SLC44A5: variants seen among roughly 807,000 people sequenced by gnomAD.
The protein encoded by SLC44A5 is choline transporter-like protein 5.
SLC44A5 carries 57 observed loss-of-function variants against 101.8 expected under a neutral mutation model. The observed-to-expected ratio is 0.56, with a 90% CI of 0.45 to 0.70. SLC44A5 has a LOEUF of 0.70. SLC44A5 is among the 30% of genes least tolerant of loss of function. The pLI, the probability that SLC44A5 is intolerant of heterozygous loss-of-function variation, is 0.00. For missense variants in SLC44A5, 737 were observed against 853.1 expected, an observed-to-expected ratio of 0.86 and a Z score of 1.70; for synonymous variants, 281 against 290.9, an observed-to-expected ratio of 0.97 and a Z score of 0.35.
At chr1:75,402,354 A>T in intron 2 of SLC44A5, 1 of 276,950 alleles carries the variant, frequency 3.6e-6, no homozygotes, top group South Asian at 2.9e-5. Context: ...GTTTTTTAAG[A>T]AACAGATGAC....
At chr1:75,349,255 C>T (rs1658468790) in intron 3 of SLC44A5, among the ~76,000 whole-genome samples, 1 of 152,146 alleles carries the variant, frequency 6.6e-6, no homozygotes, top group Non-Finnish European at 1.5e-5. Flanking sequence ...AGGAGGATTG[C>T]TTGAGCCCAG....
At chr1:75,353,565 GCTGT>G (rs1420982460) in intron 3 of SLC44A5, among the ~76,000 whole-genome samples, 2 of 152,162 alleles carry the variant, frequency 1.3e-5, no homozygotes, top group Non-Finnish European at 2.9e-5. Context: ...TTATCTTAGA[GCTGT>G]CTTTTTAAAA....
chr1:75,384,995 T>C (rs967627684), intron 3 of SLC44A5, among the ~76,000 whole-genome samples: 1 of 152,026 alleles, frequency 6.6e-6, no homozygotes, highest in African/African-American at 2.4e-5. Context: ...AATAAAGATG[T>C]TCTTTGAAAC....
intron 2 of SLC44A5, among the ~76,000 whole-genome samples, chr1:75,457,247 G>A (rs1039844764): frequency 1.3e-5 from 2 of 152,096 alleles, no homozygotes; most frequent in Non-Finnish European, 2.9e-5. Flanking sequence ...GTATGCTTGG[G>A]ACAGTGATAG....
At chr1:75,396,653 T>G (rs1215319622) in intron 2 of SLC44A5, 32 bp from the exon 3 acceptor site, 1 of 1,578,190 alleles carries the variant, frequency 6.3e-7, no homozygotes, top group Non-Finnish European at 8.7e-7. Flanking sequence ...AAAAAAAATA[T>G]TTGTAGGGGC....
At position 75,310,634 on chromosome 1, in the gene SLC44A5, A is replaced by G. The variant is rs543905815; in HGVS notation, c.102-9949T>C. On this transcript the variant is annotated intron_variant, in intron 4 of 23. Transcript: ENST00000370859. ...CTACTACTGAGATTTATTTTAAACAATTACAAAAAATAAGATTTTCCCATT... is the reference window on the plus strand; with the variant it reads ...CTACTACTGAGATTTATTTTAAACAGTTACAAAAAATAAGATTTTCCCATT... 4.6e-5 allele frequency among the ~76,000 whole-genome samples: 7 copies of G among 152,358 alleles called. No individual in the cohort carries two copies. The East Asian group carries it at 7.7e-4, about 17-fold the overall frequency.
At chr1:75,709,755 C>T in the SLC44A5 span, among the ~76,000 whole-genome samples, 2 of 151,772 alleles carry the variant, frequency 1.3e-5, no homozygotes, top group Non-Finnish European at 2.9e-5. Flanking sequence ...AGTTTTTTTT[C>T]TCAAAAATCA....
At chr1:75,502,034 C>T (rs1668987891) in intron 2 of SLC44A5, among the ~76,000 whole-genome samples, 1 of 152,074 alleles carries the variant, frequency 6.6e-6, no homozygotes. Context: ...TGAAACAATG[C>T]ATAAGATAGA....
At chr1:75,301,107 T>C (rs1654418050) in intron 4 of SLC44A5, among the ~76,000 whole-genome samples, 1 of 152,170 alleles carries the variant, frequency 6.6e-6, no homozygotes, top group African/African-American at 2.4e-5. Context: ...TCATACACAT[T>C]ATAGGGGTAC....
chr1:75,694,133 A>G, the SLC44A5 span, among the ~76,000 whole-genome samples: 1 of 151,544 alleles, frequency 6.6e-6, no homozygotes, highest in Non-Finnish European at 1.5e-5. Flanking sequence ...GTTGATGTAG[A>G]AGAGGAAAAT....
At chr1:75,391,384 C>T (rs970301033) in intron 3 of SLC44A5, among the ~76,000 whole-genome samples, 1 of 151,986 alleles carries the variant, frequency 6.6e-6, no homozygotes, top group Non-Finnish European at 1.5e-5. Context: ...AAAAAAGAGC[C>T]CAAATAGCCA....
At chr1:75,622,959 T>A in the SLC44A5 span, among the ~76,000 whole-genome samples, 1 of 152,136 alleles carries the variant, frequency 6.6e-6, no homozygotes, top group Non-Finnish European at 1.5e-5. Context: ...TTCTGACATA[T>A]TTTTGACAAT....
the SLC44A5 span, among the ~76,000 whole-genome samples, chr1:75,659,439 GGGAGGGAAGGAA>G: frequency 8.0e-5 from 1 of 12,436 alleles, no homozygotes; most frequent in Admixed American, 6.7e-4. Context: ...GAGGGAGGGA[GGGAGGGAAGGAA>G]GGAAGGAAGG....
At chr1:75,346,367 T>C (rs953406290) in intron 3 of SLC44A5, among the ~76,000 whole-genome samples, 6 of 152,142 alleles carry the variant, frequency 3.9e-5, no homozygotes, top group African/African-American at 2.4e-5. Context: ...TTGCTCTATA[T>C]GAACACAAAT....
At chr1:75,591,856 A>G (rs4625236) in intron 1 of SLC44A5, among the ~76,000 whole-genome samples, 44,818 of 151,678 alleles carry the variant, frequency 0.3, 7,661 homozygotes, top group East Asian at 0.78. Context: ...AACCTCCAAA[A>G]ACTGGTGATA....
chr1:75,459,391 C>A (rs976783696), intron 2 of SLC44A5, among the ~76,000 whole-genome samples: 1 of 152,156 alleles, frequency 6.6e-6, no homozygotes, highest in Non-Finnish European at 1.5e-5. Flanking sequence ...GACAAATGTA[C>A]ATAGCTATGT....
intron 4 of SLC44A5, among the ~76,000 whole-genome samples, chr1:75,308,493 TATC>T (rs1655068920): frequency 6.6e-6 from 1 of 152,168 alleles, no homozygotes; most frequent in Non-Finnish European, 1.5e-5. Context: ...ACGATGTAAT[TATC>T]ATGTGTGTAA....
At chr1:75,681,594 G>C in the SLC44A5 span, among the ~76,000 whole-genome samples, 1 of 150,872 alleles carries the variant, frequency 6.6e-6, no homozygotes, top group Non-Finnish European at 1.5e-5. Flanking sequence ...ATTAGGTATT[G>C]ATGGGACATA....
intron 1 of SLC44A5, among the ~76,000 whole-genome samples, chr1:75,556,395 A>G (rs1311014377): frequency 2.0e-5 from 3 of 152,146 alleles, no homozygotes; most frequent in Admixed American, 2.0e-4. Flanking sequence ...ACTGAGTAGC[A>G]TATGATCTAC....
Sources: gnomAD v4.1 joint callset for allele counts (sites outside exome capture counted in the v4.1 genomes callset) on GRCh38, gnomAD v4.1.1 for gene constraint, MANE v1.5 for transcripts, NCBI Gene and HGNC (gene_info 2026-07-23, HGNC 2026-07-21) for gene names.